PCNX2: variants seen among roughly 807,000 people sequenced by gnomAD.
PCNX2 encodes pecanex-like protein 2.
Under a neutral mutation model 223.8 loss-of-function variants are expected in PCNX2, and 168 were observed. The observed-to-expected ratio is 0.75, with a 90% CI of 0.66 to 0.85. The LOEUF is 0.85. Ranked by LOEUF, PCNX2 falls within the 40% of genes least tolerant of loss-of-function variation. The pLI is 0.00. For missense variants in PCNX2, 2,507 were observed against 2,675.5 expected (o/e 0.94, Z 1.39); for synonymous variants, 1,006 against 1,052.6 (o/e 0.96, Z 0.86).
chr1:232,988,631 G>A (rs891238288), intron 32 of PCNX2, among the ~76,000 whole-genome samples: 6 of 152,056 alleles, frequency 3.9e-5, no homozygotes, highest in Non-Finnish European at 7.4e-5. Context: ...GTTTATTATC[G>A]TGGCACTTAA....
At chr1:233,174,125 A>T (rs556018565) in intron 17 of PCNX2, among the ~76,000 whole-genome samples, 202 of 145,810 alleles carry the variant, frequency 1.4e-3, no homozygotes, top group African/African-American at 4.7e-3. Flanking sequence ...TATATAATAA[A>T]TTATATATTA....
rs574602387 is a variant in PCNX2 at position 233,032,163 on chromosome 1, C to T, written c.4352-6764G>A. 14 of 728,930 alleles carry T rather than the reference C, an allele frequency of 1.9e-5. No individual in the cohort carries two copies. The South Asian group carries it at 3.1e-4, about 16-fold the overall frequency. The allele number at this position is 728,930 out of a possible 1,614,324, so 45.2% of individuals were successfully genotyped here. On this transcript the variant is annotated intron_variant, in intron 25 of 33. Transcript: ENST00000258229. ...TGTTGCCCAGGCTGGAGTGCAATGG[C>T]GCGATCTTGGCTTACCACAACCTCC... is the stretch of plus-strand genomic sequence containing the variant.
At chr1:233,236,101 T>A (rs1483476315) in intron 9 of PCNX2, among the ~76,000 whole-genome samples, 1 of 150,490 alleles carries the variant, frequency 6.6e-6, no homozygotes, top group Non-Finnish European at 1.5e-5. Flanking sequence ...CCATCTACAA[T>A]CCTCTTCTCT....
chr1:233,159,179 C>A (rs369163602), intron 19 of PCNX2, among the ~76,000 whole-genome samples: 4 of 152,116 alleles, frequency 2.6e-5, no homozygotes, highest in African/African-American at 9.7e-5. Flanking sequence ...AGCAGCCCGA[C>A]GAGGCCATCT....
At chr1:233,291,253 T>C (rs1413849913) in intron 1 of PCNX2, 6 of 266,050 alleles carry the variant, frequency 2.3e-5, no homozygotes, top group African/African-American at 1.2e-4. Flanking sequence ...ATCCCCATTT[T>C]ACAGATGATT....
chr1:232,985,872 T>C, intron 33 of PCNX2: 1 of 623,082 alleles, frequency 1.6e-6, no homozygotes, highest in Admixed American at 2.9e-5. Flanking sequence ...GCCTGGGCAT[T>C]ATCGTTTACA....
intron 21 of PCNX2, among the ~76,000 whole-genome samples, chr1:233,110,417 A>G (rs1270022096): frequency 6.6e-6 from 1 of 152,208 alleles, no homozygotes; most frequent in Non-Finnish European, 1.5e-5. Flanking sequence ...TCAACATAGA[A>G]TTCTATTCCC....
At chr1:233,292,202 C>CTTT (rs963996089) in intron 1 of PCNX2, among the ~76,000 whole-genome samples, 190 of 109,478 alleles carry the variant, frequency 1.7e-3, no homozygotes, top group Non-Finnish European at 2.1e-3. Flanking sequence ...TTCTTTCTTT[C>CTTT]TTTTTTTTTT....
chr1:233,107,878 A>G (rs1450502876), intron 21 of PCNX2, among the ~76,000 whole-genome samples: 3 of 152,182 alleles, frequency 2.0e-5, no homozygotes, highest in Non-Finnish European at 4.4e-5. Flanking sequence ...GGAAGTTGGC[A>G]CAAATTACAG....
chr1:233,079,744 C>T (rs1024961623), intron 23 of PCNX2, among the ~76,000 whole-genome samples: 1 of 152,014 alleles, frequency 6.6e-6, no homozygotes, highest in African/African-American at 2.4e-5. Context: ...TCTCTGTGTC[C>T]CTCGGCCCAG....
chr1:233,003,430 T>C (rs1444647453), intron 28 of PCNX2, among the ~76,000 whole-genome samples: 1 of 152,094 alleles, frequency 6.6e-6, no homozygotes, highest in Non-Finnish European at 1.5e-5. Flanking sequence ...ATCAGAGAAA[T>C]GCAAATCAAA....
Position 232,999,219 on chromosome 1 carries a change from T to G in PCNX2, c.5489A>C (p.Tyr1830Ser). ...SCDQPLGYPM[Y>S]VSPLTTSYLG... is the part of the protein sequence containing the mutation. Reference sequence around the variant, plus strand: ...GTAGGATGTGGTTAGTGGGGAGACATACATGGGGTACCCCAGGGGCTGATC... The same window carrying G: ...GTAGGATGTGGTTAGTGGGGAGACAGACATGGGGTACCCCAGGGGCTGATC... The change falls in exon 31 of 34, where the codon TAT becomes TCT. Residue 1830 changes from tyrosine (Y) to serine (S), a missense_variant. Physicochemically the swap from Tyr to Ser is moderately radical, Grantham distance 144. Around this residue, in one of 3 missense-constraint regions of PCNX2, gnomAD observed 1,372 missense variants for 1,509.4 expected, o/e 0.91. Transcript: ENST00000258229. 1.2e-6 allele frequency: 2 copies of G among 1,613,880 alleles called. No individual in the cohort carries two copies. The highest frequency in any genetic ancestry group is 1.7e-6 in the Non-Finnish European group (2 of 1,179,848).
Position 233,057,264 on chromosome 1 carries a change from G to A in PCNX2, c.4103C>T (p.Thr1368Ile), listed in dbSNP as rs776555263. The part of the protein sequence containing the change: ...YNTRRVDNSN[T>I]RLAVQIERDP... ...TCTTTCAATTTGGACTGCCAGTCTTGTGTTGGAATTATCCACTCGCCTTGT... is the reference window on the plus strand; with the variant it reads ...TCTTTCAATTTGGACTGCCAGTCTTATGTTGGAATTATCCACTCGCCTTGT... Residue 1368 changes from threonine to isoleucine, a missense_variant, in exon 24 of 34, where the codon ACA becomes ATA. This residue lies in a region of PCNX2 where 1,372 missense variants were observed against 1,509.4 expected (regional missense o/e 0.91). Transcript: ENST00000258229. The A allele has an allele frequency of 9.3e-6, 15 of 1,610,514 alleles. No individual in the cohort carries two copies. Among genetic ancestry groups the A allele is most frequent in the Non-Finnish European group, 1.3e-5 (15 of 1,177,812 alleles).
intron 21 of PCNX2, 39 bp from the exon 22 acceptor site, chr1:233,095,902 T>A (rs1281956918): frequency 4.9e-6 from 7 of 1,436,826 alleles, no homozygotes; most frequent in Non-Finnish European, 6.7e-6. Flanking sequence ...GAGAGGACAA[T>A]GACAACAGTG....
intron 26 of PCNX2, among the ~76,000 whole-genome samples, chr1:233,022,958 A>G (rs745912419): frequency 1.3e-5 from 2 of 152,074 alleles, no homozygotes; most frequent in Non-Finnish European, 2.9e-5. Context: ...CGGTCTCCCA[A>G]AGTGCTGGGA....
At chr1:233,262,006 T>C (rs6701073) in intron 3 of PCNX2, 39 bp downstream of exon 3, 533,617 of 1,610,460 alleles carry the variant, frequency 0.33, 91,104 homozygotes, top group South Asian at 0.45. Context: ...AACATCGAAA[T>C]CACATGAAGA....
chr1:232,993,407 T>G (rs1162382910), intron 32 of PCNX2, among the ~76,000 whole-genome samples: 1 of 152,192 alleles, frequency 6.6e-6, no homozygotes, highest in South Asian at 2.1e-4. Flanking sequence ...GGAAGAAATG[T>G]CTAAGCAGCA....
At chr1:233,045,636 T>A (rs968680249) in intron 25 of PCNX2, among the ~76,000 whole-genome samples, 1 of 152,182 alleles carries the variant, frequency 6.6e-6, no homozygotes, top group Non-Finnish European at 1.5e-5. Context: ...CTCCCTTCCA[T>A]CTAGAGCACA....
intron 32 of PCNX2, among the ~76,000 whole-genome samples, chr1:232,998,004 C>T (rs1669935876): frequency 6.6e-6 from 1 of 152,166 alleles, no homozygotes; most frequent in Non-Finnish European, 1.5e-5. Context: ...GACCCCTGGA[C>T]AGGTGGACAG....
Sources: gnomAD v4.1 joint callset for allele counts (sites outside exome capture counted in the v4.1 genomes callset) on GRCh38, gnomAD v4.1.1 for gene constraint, gnomAD v4.1.1 regional missense constraint, MANE v1.5 for transcripts, NCBI Gene and HGNC (gene_info 2026-07-23, HGNC 2026-07-21) for gene names.